SMAD6: variants seen among roughly 807,000 people sequenced by gnomAD.
The protein encoded by SMAD6 is SMAD family member 6.
In SMAD6, 103 loss-of-function variants were observed where a neutral mutation model predicts 39.4. The ratio of observed to expected loss-of-function variants is 2.62; its 90% CI spans 2.23 to 3.08. The LOEUF is 3.08. Among genes scored for constraint, SMAD6 ranks in the 30% most tolerant of loss-of-function variants. SMAD6 has a pLI of 0.00. For synonymous variants in SMAD6, 445 were observed against 353.3 expected, an observed-to-expected ratio of 1.26 and a Z score of -2.91; for missense variants, 1,104 against 742.9, an observed-to-expected ratio of 1.49 and a Z score of -5.65.
intron 3 of SMAD6, among the ~76,000 whole-genome samples, chr15:66,770,269 G>A (rs755576607): frequency 1.6e-4 from 24 of 152,158 alleles, no homozygotes; most frequent in Non-Finnish European, 3.1e-4. Flanking sequence ...GGGACTTCAG[G>A]GTTGGGTTCA....
chr15:66,771,723 A>G (rs1894382948), intron 3 of SMAD6, among the ~76,000 whole-genome samples: 1 of 152,188 alleles, frequency 6.6e-6, no homozygotes, highest in South Asian at 2.1e-4. Context: ...TGCCTCCTGG[A>G]CTTGCACAGT....
Position 66,703,950 on chromosome 15 carries a change from G to A in SMAD6, c.692G>A (p.Arg231His), listed in dbSNP as rs1419095990. The change falls in exon 1 of 4, where the codon CGC (arginine) becomes CAC (histidine). Residue 231 changes from arginine to histidine, a missense_variant. Coordinates refer to ENST00000288840, the MANE Select transcript of SMAD6 (RefSeq NM_005585.5). ...CAGCTGCTGCTCGGCCGCCTCTTTC[G>A]CTGGCCCGACCTGCAGCACGCCGTG... is the stretch of plus-strand genomic sequence containing the variant. ...PPQLLLGRLF[R>H]WPDLQHAVEL... is the part of the protein sequence containing the mutation. 2.1e-6 allele frequency: 3 copies of A among 1,406,812 alleles called. No homozygotes were observed. The highest frequency in any genetic ancestry group is 9.3e-7 in the Non-Finnish European group (1 of 1,078,780). 87.1% of individuals were successfully genotyped at this position (1,406,812 alleles called of 1,614,324 possible).
chr15:66,706,740 A>C (rs1404410090), intron 1 of SMAD6: 1 of 152,656 alleles, frequency 6.6e-6, no homozygotes, highest in Non-Finnish European at 1.5e-5. Context: ...ACCTGGCAGC[A>C]GTCACCTCCG....
rs538035561 is a variant in SMAD6 at position 66,703,148 on chromosome 15, G to A, written c.-111G>A. The A allele has an allele frequency of 9.7e-5, 75 of 772,274 alleles. No homozygotes were observed. The African/African-American group carries it at 1.3e-3, about 13-fold the overall frequency. 47.8% of individuals were successfully genotyped at this position (772,274 alleles called of 1,614,324 possible). A position where few individuals can be genotyped will look rare whatever the true frequency, so the allele number is the denominator to read the frequency against. ...TGCGCGGTCTGCACGGCGCTCCGCG[G>A]CGGAGCTTCATGTGGGGCTGCGACC... On this transcript the variant is annotated 5_prime_UTR_variant, in exon 1 of 4. Coordinates refer to ENST00000288840, the MANE Select transcript of SMAD6 (RefSeq NM_005585.5).
chr15:66,781,073 G>A lies in SMAD6; in HGVS notation c.1029G>A (p.Val343=). The A allele has an allele frequency of 6.2e-7, 1 of 1,605,910 alleles. No homozygotes were observed. The highest frequency in any genetic ancestry group is 8.5e-7 in the Non-Finnish European group (1 of 1,178,966). Residue 343 remains valine, a synonymous_variant, in exon 4 of 4, where the codon GTG becomes GTA. Coordinates refer to ENST00000288840, the MANE Select transcript of SMAD6 (RefSeq NM_005585.5). ...CGTACTGGGAGCACCGGACGCGCGT[G>A]GGCCGCCTCTATGCGGTGTACGACC... ...SVAYWEHRTR[V]GRLYAVYDQA...
At position 66,703,863 on chromosome 15, in the gene SMAD6, CG is replaced by C; in HGVS notation, c.608del (p.Gly203AlafsTer39). 7.5e-7 allele frequency: 1 copy of C among 1,340,192 alleles called. No individual in the cohort carries two copies. The highest frequency in any genetic ancestry group is 9.6e-7 in the Non-Finnish European group (1 of 1,036,396). 83.0% of individuals were successfully genotyped at this position (1,340,192 alleles called of 1,614,324 possible). A position where few individuals can be genotyped will look rare whatever the true frequency, so the allele number is the denominator to read the frequency against. On this transcript the variant is annotated frameshift_variant, in exon 1 of 4. Transcript: ENST00000288840. LOFTEE classifies it high-confidence loss of function. ...LEAVESRGGV[P>X]GGCVLVPRAD... is the part of the protein sequence containing the mutation. ...GCGGTGGAGTCCCGCGGCGGCGTGCCGGGCGGCTGCGTGCTGGTGCCGCGCG... is the reference window on the plus strand; with the variant it reads ...GCGGTGGAGTCCCGCGGCGGCGTGCCGGCGGCTGCGTGCTGGTGCCGCGCG...
At chr15:66,713,591 T>A (rs184977998) in intron 2 of SMAD6, among the ~76,000 whole-genome samples, 1,660 of 152,352 alleles carry the variant, frequency 0.011, 36 homozygotes, top group African/African-American at 0.037. Context: ...GTGCTGGGAT[T>A]ACAGGCGTGA....
At chr15:66,713,628 C>A (rs940150410) in intron 2 of SMAD6, among the ~76,000 whole-genome samples, 1 of 152,204 alleles carries the variant, frequency 6.6e-6, no homozygotes, top group Non-Finnish European at 1.5e-5. Context: ...GGGCAAGTCA[C>A]TTCTTAGTGT....
rs527548847 is a variant in SMAD6 at position 66,726,321 on chromosome 15, C to T, written c.952+9823C>T. ...TCACAGAGGGGTCCACTGCCCCTTC[C>T]CTCTGAGGGTTCAAAATAAAACAGG... On this transcript the variant is annotated intron_variant, in intron 3 of 3. Transcript: ENST00000288840. Among the ~76,000 whole-genome samples, 9 of 152,260 alleles carry T rather than the reference C, an allele frequency of 5.9e-5. No individual in the cohort carries two copies. In the East Asian group the frequency reaches 1.5e-3, roughly 26 times the overall value.
chr15:66,725,324 G>T (rs1893503806), intron 3 of SMAD6, among the ~76,000 whole-genome samples: 1 of 152,170 alleles, frequency 6.6e-6, no homozygotes, highest in Admixed American at 6.5e-5. Context: ...TGCCAGAAAG[G>T]GTAAGACCTC....
chr15:66,740,229 C>G (rs1893789934), intron 3 of SMAD6, among the ~76,000 whole-genome samples: 1 of 152,204 alleles, frequency 6.6e-6, no homozygotes, highest in African/African-American at 2.4e-5. Flanking sequence ...CCTGCCCAGT[C>G]CTGTGGACAT....
chr15:66,709,341 C>T (rs16950159), intron 1 of SMAD6, among the ~76,000 whole-genome samples: 30,237 of 152,192 alleles, frequency 0.2, 3,242 homozygotes, highest in Admixed American at 0.35. Flanking sequence ...TTCTTTCTAT[C>T]TCACAACATT....
intron 3 of SMAD6, among the ~76,000 whole-genome samples, chr15:66,744,685 AT>A (rs1345461622): frequency 6.6e-6 from 1 of 152,198 alleles, no homozygotes; most frequent in Non-Finnish European, 1.5e-5. Context: ...ACTTGGCCAA[AT>A]GAACAAAGGC....
chr15:66,739,127 G>A (rs1409319541), intron 3 of SMAD6, among the ~76,000 whole-genome samples: 1 of 140,482 alleles, frequency 7.1e-6, no homozygotes. Flanking sequence ...GTCTTGCCCT[G>A]TCACCCAGGC....
chr15:66,722,271 T>G (rs1893448202), intron 3 of SMAD6, among the ~76,000 whole-genome samples: 1 of 152,224 alleles, frequency 6.6e-6, no homozygotes, highest in African/African-American at 2.4e-5. Context: ...GCTCATTGCC[T>G]GTGGGTCTGG....
chr15:66,779,583 T>A (rs1054288931), intron 3 of SMAD6, among the ~76,000 whole-genome samples: 5 of 152,216 alleles, frequency 3.3e-5, no homozygotes, highest in Non-Finnish European at 1.5e-5. Context: ...TCAGGGGCCC[T>A]GCCACCCTGT....
chr15:66,773,349 T>G (rs1221600079), intron 3 of SMAD6, among the ~76,000 whole-genome samples: 2 of 152,150 alleles, frequency 1.3e-5, no homozygotes, highest in African/African-American at 4.8e-5. Context: ...CCTTCTCTGC[T>G]TTTACTGCCG....
At chr15:66,752,023 C>A (rs1595787872) in intron 3 of SMAD6, among the ~76,000 whole-genome samples, 1 of 148,962 alleles carries the variant, frequency 6.7e-6, no homozygotes, top group Admixed American at 6.9e-5. Context: ...AATAAAACCC[C>A]CTTCATTTAA....
chr15:66,755,667 T>A (rs1455862713), intron 3 of SMAD6, among the ~76,000 whole-genome samples: 1 of 152,176 alleles, frequency 6.6e-6, no homozygotes, highest in African/African-American at 2.4e-5. Context: ...TTACCTGGGC[T>A]CCAGGTGGAA....
Sources: gnomAD v4.1 joint callset for allele counts (sites outside exome capture counted in the v4.1 genomes callset) on GRCh38, gnomAD v4.1.1 for gene constraint, MANE v1.5 for transcripts, NCBI Gene and HGNC (gene_info 2026-07-23, HGNC 2026-07-21) for gene names.